ABLIM3: variants seen among roughly 807,000 people sequenced by gnomAD.
ABLIM3 encodes actin binding LIM protein family member 3.
A neutral mutation model predicts 109.5 loss-of-function variants in ABLIM3; 61 were observed. The observed-to-expected ratio is 0.56, with a 90% CI of 0.45 to 0.69. The LOEUF (loss-of-function observed/expected upper bound fraction) is 0.69. ABLIM3 is among the 30% of genes least tolerant of loss of function. The probability of loss-of-function intolerance (pLI) is 0.00; values close to 1 mark genes in which losing one functional copy is unlikely to be tolerated. For synonymous variants in ABLIM3, 300 were observed against 324.8 expected (o/e 0.92, Z 0.82); for missense variants, 796 against 889.5 (o/e 0.89, Z 1.34).
Position 149,258,471 on chromosome 5 carries a change from G to A in ABLIM3, c.*67G>A, listed in dbSNP as rs571104946. 33 of 1,513,358 alleles carry A rather than the reference G, an allele frequency of 2.2e-5. No individual in the cohort carries two copies. In the South Asian group the frequency reaches 2.2e-4, roughly 10 times the overall value. 93.7% of individuals were successfully genotyped at this position (1,513,358 alleles called of 1,614,324 possible). On this transcript the variant is annotated 3_prime_UTR_variant, in exon 24 of 24. Transcript: ENST00000309868. ...ATGTAAAATCTCTCTACTGAAGCTC[G>A]GTATAATCCTCTCTTGTGTAATGGG...
chr5:149,175,792 T>G (rs973752173), intron 2 of ABLIM3, among the ~76,000 whole-genome samples: 1 of 152,216 alleles, frequency 6.6e-6, no homozygotes, highest in Non-Finnish European at 1.5e-5. Context: ...AAACCCTTTA[T>G]GCTGTAGCTG....
chr5:149,257,273 C>T (rs1054894875), intron 23 of ABLIM3, among the ~76,000 whole-genome samples: 12 of 150,554 alleles, frequency 8.0e-5, no homozygotes, highest in Non-Finnish European at 1.5e-4. Context: ...GCACTGCAGC[C>T]TGGGTGACAA....
chr5:149,168,670 G>A lies in ABLIM3; in HGVS notation c.14-14782G>A, dbSNP rs149652987. Among the ~76,000 whole-genome samples the A allele has an allele frequency of 6.6e-5, 10 of 152,298 alleles. No individual in the cohort carries two copies. The East Asian group carries it at 1.9e-3, about 29-fold the overall frequency. ...TTGGGACATTTTTTCAATGCCAGTT[G>A]ACTTTTTTAAACATTTGTGAAAGTT... is the stretch of plus-strand genomic sequence containing the variant. On this transcript the variant is annotated intron_variant, in intron 2 of 23. Transcript: ENST00000309868.
intron 15 of ABLIM3, chr5:149,244,175 T>C (rs1753123634): frequency 6.6e-6 from 1 of 152,456 alleles, no homozygotes; most frequent in Non-Finnish European, 1.5e-5. Context: ...TAGTTGTGAC[T>C]GCAGTGGGTC....
chr5:149,258,472 G>A lies in ABLIM3; in HGVS notation c.*68G>A, dbSNP rs902513978. 1.3e-6 allele frequency: 2 copies of A among 1,512,444 alleles called. No individual in the cohort carries two copies. Among genetic ancestry groups the A allele is most frequent in the Non-Finnish European group, 1.8e-6 (2 of 1,136,724 alleles). The allele number at this position is 1,512,444 out of a possible 1,614,324, so 93.7% of individuals were successfully genotyped here. A position where few individuals can be genotyped will look rare whatever the true frequency, so the allele number is the denominator to read the frequency against. On this transcript the variant is annotated 3_prime_UTR_variant, in exon 24 of 24. Transcript: ENST00000309868. ...TGTAAAATCTCTCTACTGAAGCTCGGTATAATCCTCTCTTGTGTAATGGGA... is the reference window on the plus strand; with the variant it reads ...TGTAAAATCTCTCTACTGAAGCTCGATATAATCCTCTCTTGTGTAATGGGA...
intron 17 of ABLIM3, among the ~76,000 whole-genome samples, chr5:149,247,143 G>A (rs1195596031): frequency 6.6e-6 from 1 of 152,250 alleles, no homozygotes; most frequent in Non-Finnish European, 1.5e-5. Flanking sequence ...AATGATACAT[G>A]CCACAATGTG....
chr5:149,150,100 G>A (rs937205204), intron 2 of ABLIM3, among the ~76,000 whole-genome samples: 1 of 152,168 alleles, frequency 6.6e-6, no homozygotes, highest in South Asian at 2.1e-4. Context: ...AGAGGGCAAG[G>A]AAGGCATTTG....
intron 2 of ABLIM3, among the ~76,000 whole-genome samples, chr5:149,159,485 A>G (rs145701641): frequency 6.6e-6 from 1 of 152,338 alleles, no homozygotes; most frequent in East Asian, 1.9e-4. Flanking sequence ...TATTGTATTT[A>G]AAATCTATAT....
At chr5:149,180,917 T>C in intron 2 of ABLIM3, among the ~76,000 whole-genome samples, 1 of 152,156 alleles carries the variant, frequency 6.6e-6, no homozygotes, top group East Asian at 1.9e-4. Flanking sequence ...TGCTCACAAA[T>C]CCACTTTCCC....
chr5:149,207,325 C>G (rs1189333885), intron 6 of ABLIM3, among the ~76,000 whole-genome samples, 191 bp downstream of exon 6: 2 of 152,098 alleles, frequency 1.3e-5, no homozygotes, highest in African/African-American at 4.8e-5. Context: ...TTCCCTCTGC[C>G]TGAGACACCC....
At position 149,239,897 on chromosome 5, in the gene ABLIM3, G is replaced by C; in HGVS notation, c.1204+9G>C. On this transcript the variant is annotated intron_variant, in intron 13 of 23. Transcript: ENST00000309868. ...CCACTACTACCGCTCTGGTAAGGAA[G>C]GGGGAGGACCTGAAGGGAGAGGAAG... The C allele has an allele frequency of 1.9e-6, 3 of 1,598,678 alleles. No individual in the cohort carries two copies. The highest frequency in any genetic ancestry group is 2.2e-5 in the South Asian group (2 of 89,240).
At position 149,179,296 on chromosome 5, in the gene ABLIM3, CTGTT is replaced by C. The variant is rs72115540; in HGVS notation, c.14-4130_14-4127del. ...TTTTAATCTCAGGGGCATTAATAAG[CTGTT>C]TGTTTGTTTGTTTGTTTGTTTGTTT... is the stretch of plus-strand genomic sequence containing the variant. On this transcript the variant is annotated intron_variant, in intron 2 of 23. Coordinates refer to ENST00000309868, the MANE Select transcript of ABLIM3 (RefSeq NM_014945.5). Among the ~76,000 whole-genome samples the C allele has an allele frequency of 8.6e-3, 1,296 of 151,228 alleles. 12 individuals are homozygous for C. Among genetic ancestry groups the C allele is most frequent in the African/African-American group, 0.028 (1,141 of 41,200 alleles).
At chr5:149,252,442 C>A (rs1434858732) in intron 22 of ABLIM3, 11 of 560,924 alleles carry the variant, frequency 2.0e-5, no homozygotes, top group Non-Finnish European at 3.1e-5. Flanking sequence ...CAGAGACACT[C>A]TGTTGGCTTG....
chr5:149,258,350 C>T lies in ABLIM3; in HGVS notation c.1998C>T (p.Asp666=). The T allele has an allele frequency of 6.2e-7, 1 of 1,613,906 alleles. No individual in the cohort carries two copies. The highest frequency in any genetic ancestry group is 2.2e-5 in the East Asian group (1 of 44,860). Residue 666 remains aspartate, a synonymous_variant, in exon 24 of 24, where the codon GAC becomes GAT. Transcript: ENST00000309868. Reference sequence around the variant, plus strand: ...TTGGCATGACCATCTCTGAGTTTGACCGGCTGGCCCTCTGGAAGAGGAATG... The same window carrying T: ...TTGGCATGACCATCTCTGAGTTTGATCGGCTGGCCCTCTGGAAGAGGAATG... The part of the protein sequence containing the change: ...QVFGMTISEF[D]RLALWKRNEL...
intron 2 of ABLIM3, among the ~76,000 whole-genome samples, chr5:149,149,508 C>T (rs1380619090): frequency 6.6e-6 from 1 of 152,100 alleles, no homozygotes; most frequent in East Asian, 1.9e-4. Flanking sequence ...TCCCGGGAAG[C>T]CTACAGGAAG....
chr5:149,175,931 C>A (rs1755886552), intron 2 of ABLIM3, among the ~76,000 whole-genome samples: 1 of 152,208 alleles, frequency 6.6e-6, no homozygotes, highest in African/African-American at 2.4e-5. Flanking sequence ...ACGCCATGAC[C>A]ATGGAACATG....
At chr5:149,252,933 G>A in intron 23 of ABLIM3, 96 bp downstream of exon 23, 1 of 922,724 alleles carries the variant, frequency 1.1e-6, no homozygotes. Flanking sequence ...TGGAATGAGT[G>A]GCTTTAAGAT....
At chr5:149,185,804 C>T (rs1202010420) in intron 3 of ABLIM3, among the ~76,000 whole-genome samples, 1 of 152,146 alleles carries the variant, frequency 6.6e-6, no homozygotes. Flanking sequence ...TTAACATGCA[C>T]TACCATGCTG....
chr5:149,142,118 T>A lies in ABLIM3; in HGVS notation c.13+10T>A. The A allele has an allele frequency of 6.2e-7, 1 of 1,603,466 alleles. No individual in the cohort carries two copies. Among genetic ancestry groups the A allele is most frequent in the Non-Finnish European group, 8.5e-7 (1 of 1,175,452 alleles). On this transcript the variant is annotated intron_variant, in intron 2 of 23. Transcript: ENST00000309868. Reference sequence around the variant, plus strand: ...ACCATGAACACTAGCAGTAAGTGGATCCTCCTCTCCTTTGCCATGGGAACA... The same window carrying A: ...ACCATGAACACTAGCAGTAAGTGGAACCTCCTCTCCTTTGCCATGGGAACA...
Sources: allele counts gnomAD v4.1 joint callset (sites outside exome capture counted in the v4.1 genomes callset), GRCh38; gene constraint gnomAD v4.1.1; transcripts MANE v1.5; gene names NCBI Gene and HGNC (gene_info 2026-07-23, HGNC 2026-07-21).